The following COL22A1 variants were observed in gnomAD, a reference collection of about 807,000 sequenced individuals.
COL22A1 encodes collagen alpha-1(XXII) chain.
COL22A1 carries 221 observed loss-of-function variants against 248.9 expected under a neutral mutation model. That is an observed-to-expected ratio of 0.89 (90% confidence interval 0.80 to 0.99). COL22A1 has a LOEUF of 0.99. Among genes scored for constraint, COL22A1 ranks in the 50% least tolerant of loss-of-function variants. The pLI, the probability that COL22A1 is intolerant of heterozygous loss-of-function variation, is 0.00. For synonymous variants in COL22A1, 891 were observed against 793.4 expected, an observed-to-expected ratio of 1.12 and a Z score of -2.07; for missense variants, 2,240 against 2,179.0, an observed-to-expected ratio of 1.03 and a Z score of -0.56.
intron 16 of COL22A1, among the ~76,000 whole-genome samples, chr8:138,769,875 A>C (rs561299479): frequency 1.5e-4 from 23 of 152,332 alleles, no homozygotes; most frequent in Non-Finnish European, 2.9e-4. Context: ...CCATGTCTGC[A>C]GGGTGGATTG....
chr8:138,711,455 G>A (rs896217007), intron 30 of COL22A1, among the ~76,000 whole-genome samples: 1 of 152,218 alleles, frequency 6.6e-6, no homozygotes, highest in African/African-American at 2.4e-5. Context: ...GACTGCCATG[G>A]CCCTGGCAAT....
intron 22 of COL22A1, among the ~76,000 whole-genome samples, chr8:138,740,603 A>G (rs1481881810): frequency 6.6e-6 from 1 of 152,206 alleles, no homozygotes; most frequent in Admixed American, 6.5e-5. Flanking sequence ...AGTTGAATCA[A>G]TTGATCTGGA....
intron 15 of COL22A1, chr8:138,778,018 A>T (rs1302516251): frequency 2.5e-6 from 1 of 392,736 alleles, no homozygotes; most frequent in African/African-American, 2.1e-5. Flanking sequence ...ACAAGAGTAC[A>T]GTACAGGACA....
At chr8:138,805,003 A>G (rs1181077227) in intron 10 of COL22A1, among the ~76,000 whole-genome samples, 2 of 106,722 alleles carry the variant, frequency 1.9e-5, no homozygotes, top group Non-Finnish European at 3.8e-5. Flanking sequence ...TGGTGTAGGC[A>G]ATGGTGTGTG....
At chr8:138,683,029 C>G (rs988811250) in intron 39 of COL22A1, among the ~76,000 whole-genome samples, 2 of 152,168 alleles carry the variant, frequency 1.3e-5, no homozygotes, top group African/African-American at 4.8e-5. Context: ...GGACAAACAT[C>G]TCCTTCTTCA....
At chr8:138,634,595 G>T (rs943296919) in intron 49 of COL22A1, among the ~76,000 whole-genome samples, 1 of 152,082 alleles carries the variant, frequency 6.6e-6, no homozygotes, top group African/African-American at 2.4e-5. Flanking sequence ...TTTGCTCAGG[G>T]GGCCCAGTGG....
At chr8:138,795,015 T>C (rs1816379046) in intron 12 of COL22A1, among the ~76,000 whole-genome samples, 1 of 152,064 alleles carries the variant, frequency 6.6e-6, no homozygotes, top group Non-Finnish European at 1.5e-5. Context: ...AACAGTACTG[T>C]ACTGCACACT....
Position 138,613,892 on chromosome 8 carries a change from C to A in COL22A1, c.3953G>T (p.Gly1318Val). ...DGDTGPTGPQ[G>V]PQGPRGPPGK... ...CGGTGGGCCCCTTGGTCCTTGGGGA[C>A]CCTGTGGCCCAGTGGGTCCAGTGTC... The change falls in exon 56 of 65, where the codon GGT (glycine) becomes GTT (valine). Residue 1318 changes from glycine (G) to valine (V), a missense_variant. Coordinates refer to ENST00000303045, the MANE Select transcript of COL22A1 (RefSeq NM_152888.3). The A allele has an allele frequency of 1.2e-6, 2 of 1,613,886 alleles. No individual in the cohort carries two copies. Among genetic ancestry groups the A allele is most frequent in the Middle Eastern group, 1.7e-4 (1 of 6,052 alleles).
chr8:138,748,523 G>A (rs1190225806), intron 22 of COL22A1, among the ~76,000 whole-genome samples: 1 of 152,202 alleles, frequency 6.6e-6, no homozygotes, highest in East Asian at 1.9e-4. Context: ...ATCAGAGCCT[G>A]TCCTTCATCT....
chr8:138,872,499 G>A (rs539579792), intron 3 of COL22A1, among the ~76,000 whole-genome samples: 2 of 152,214 alleles, frequency 1.3e-5, no homozygotes, highest in African/African-American at 2.4e-5. Flanking sequence ...AGGCCTTCTC[G>A]GCTGTGGCCA....
At chr8:138,643,647 T>TAGACAGACAGACAGACAGACAGAC (rs145689286) in intron 47 of COL22A1, among the ~76,000 whole-genome samples, 2 of 26,590 alleles carry the variant, frequency 7.5e-5, no homozygotes, top group African/African-American at 1.2e-4. Flanking sequence ...GATAGATAGA[T>TAGACAGACAGACAGACAGACAGAC]AGACAGATAG....
chr8:138,827,141 T>C (rs779779690), intron 5 of COL22A1: 1 of 269,744 alleles, frequency 3.7e-6, no homozygotes, highest in South Asian at 5.0e-5. Flanking sequence ...TGCTCCCTGC[T>C]GCATCCTCCT....
At chr8:138,728,762 T>C (rs937543343) in intron 23 of COL22A1, among the ~76,000 whole-genome samples, 5 of 152,098 alleles carry the variant, frequency 3.3e-5, no homozygotes, top group African/African-American at 1.2e-4. Context: ...CTCTGGCTGC[T>C]GCAGATACAC....
chr8:138,863,984 G>A (rs1822678726), intron 3 of COL22A1, among the ~76,000 whole-genome samples: 1 of 152,002 alleles, frequency 6.6e-6, no homozygotes, highest in South Asian at 2.1e-4. Flanking sequence ...ATTCCATTTT[G>A]TTCCCCCTCC....
intron 50 of COL22A1, among the ~76,000 whole-genome samples, chr8:138,627,847 A>T (rs1338441123): frequency 6.6e-6 from 1 of 152,200 alleles, no homozygotes; most frequent in Non-Finnish European, 1.5e-5. Flanking sequence ...AAGTCATACA[A>T]TTTAATTGTT....
intron 51 of COL22A1, among the ~76,000 whole-genome samples, chr8:138,625,840 A>G (rs1820192975): frequency 6.6e-6 from 1 of 152,244 alleles, no homozygotes; most frequent in African/African-American, 2.4e-5. Flanking sequence ...CAAATAGTTA[A>G]TTAACACAGT....
chr8:138,869,992 G>A (rs1234935463), intron 3 of COL22A1, among the ~76,000 whole-genome samples: 1 of 152,152 alleles, frequency 6.6e-6, no homozygotes, highest in Non-Finnish European at 1.5e-5. Flanking sequence ...TGTGTGGGGT[G>A]TTATGTGCCT....
chr8:138,772,239 C>T (rs1302733320), intron 16 of COL22A1, among the ~76,000 whole-genome samples: 1 of 152,224 alleles, frequency 6.6e-6, no homozygotes, highest in African/African-American at 2.4e-5. Flanking sequence ...AGAGGACTGG[C>T]CACGGGCCAT....
At chr8:138,880,163 A>C (rs1479122947) in intron 2 of COL22A1, among the ~76,000 whole-genome samples, 3 of 152,270 alleles carry the variant, frequency 2.0e-5, no homozygotes, top group African/African-American at 7.2e-5. Flanking sequence ...TGTGGAATTA[A>C]ATAAATTACT....
Sources: gnomAD v4.1 joint callset for allele counts (sites outside exome capture counted in the v4.1 genomes callset) on GRCh38, gnomAD v4.1.1 for gene constraint, MANE v1.5 for transcripts, NCBI Gene and HGNC (gene_info 2026-07-23, HGNC 2026-07-21) for gene names.